Variants in ATP11C observed in about 807,000 individuals in gnomAD.
The protein encoded by ATP11C is ATPase phospholipid transporting 11C (ATP11C blood group).
ATP11C carries 36 observed loss-of-function variants against 97.4 expected under a neutral mutation model. The observed-to-expected ratio is 0.37, with a 90% confidence interval of 0.28 to 0.49. The LOEUF (loss-of-function observed/expected upper bound fraction) is 0.49. ATP11C is among the 20% of genes least tolerant of loss of function. ATP11C has a pLI of 0.98. For synonymous variants in ATP11C, 275 were observed against 290.9 expected, an observed-to-expected ratio of 0.95 and a Z score of 0.56; for missense variants, 730 against 824.6, an observed-to-expected ratio of 0.89 and a Z score of 1.40.
intron 1 of ATP11C, among the ~76,000 whole-genome samples, chrX:139,908,687 CA>C (rs2085021567): frequency 8.9e-6 from 1 of 112,319 alleles, no homozygotes; most frequent in Non-Finnish European, 1.9e-5. Flanking sequence ...CTGACAATAA[CA>C]TAAGTTTCTA....
chrX:139,910,555 G>A (rs1316202304), intron 1 of ATP11C, among the ~76,000 whole-genome samples: 4 of 107,968 alleles, frequency 3.7e-5, no homozygotes, highest in Admixed American at 1.0e-4. Context: ...GCAGTGAGCC[G>A]AGATTCTGCC....
At chrX:139,869,989 A>C (rs933404198) in intron 1 of ATP11C, among the ~76,000 whole-genome samples, 4 of 110,158 alleles carry the variant, frequency 3.6e-5, no homozygotes, top group African/African-American at 1.3e-4. Context: ...AACCTGGAAG[A>C]CATTTTGCTA....
At chrX:139,815,845 C>G (rs967588552) in intron 4 of ATP11C, among the ~76,000 whole-genome samples, 1 of 110,913 alleles carries the variant, frequency 9.0e-6, no homozygotes, top group African/African-American at 3.3e-5. Context: ...CTCTTTATGA[C>G]AATGCTAAGC....
intron 1 of ATP11C, among the ~76,000 whole-genome samples, chrX:139,873,258 G>A (rs1187898113): frequency 8.9e-6 from 1 of 112,294 alleles, no homozygotes; most frequent in Non-Finnish European, 1.9e-5. Context: ...TAGAACAGTG[G>A]TTGCCAGGGG....
intron 19 of ATP11C, among the ~76,000 whole-genome samples, chrX:139,770,096 C>T (rs1033761982): frequency 4.5e-5 from 5 of 111,956 alleles, no homozygotes; most frequent in Middle Eastern, 9.2e-3. Flanking sequence ...TAATAGCTTA[C>T]TTATGGGGCT....
chrX:139,926,232 G>T (rs1401732220), intron 1 of ATP11C, among the ~76,000 whole-genome samples: 1 of 111,546 alleles, frequency 9.0e-6, no homozygotes, highest in Non-Finnish European at 1.9e-5. Flanking sequence ...AGTCTCGAGG[G>T]TTCCAGATGT....
intron 1 of ATP11C, among the ~76,000 whole-genome samples, chrX:139,914,546 G>A (rs776863205): frequency 8.0e-5 from 9 of 112,333 alleles, no homozygotes; most frequent in African/African-American, 2.9e-4. Context: ...GTCCGCCAAG[G>A]TGTTTCTGGA....
intron 8 of ATP11C, among the ~76,000 whole-genome samples, chrX:139,799,159 G>T (rs919410884): frequency 2.7e-5 from 3 of 111,430 alleles, no homozygotes; most frequent in Non-Finnish European, 3.8e-5. Context: ...CCTTTTGGGG[G>T]ATCACTGGGG....
At chrX:139,850,772 C>T (rs1187362274) in intron 1 of ATP11C, among the ~76,000 whole-genome samples, 2 of 109,740 alleles carry the variant, frequency 1.8e-5, no homozygotes, top group African/African-American at 6.6e-5. Context: ...ATTAGCCAGG[C>T]GTAGTGGCGG....
chrX:139,852,251 A>G (rs1308450206), intron 1 of ATP11C, among the ~76,000 whole-genome samples: 1 of 109,939 alleles, frequency 9.1e-6, no homozygotes, highest in Non-Finnish European at 1.9e-5. Flanking sequence ...TGAGAATTAA[A>G]AAGAAAATTG....
chrX:139,769,476 T>C (rs985473415), intron 19 of ATP11C, among the ~76,000 whole-genome samples: 1 of 105,378 alleles, frequency 9.5e-6, no homozygotes, highest in Non-Finnish European at 1.9e-5. Context: ...TGGTTATATA[T>C]AGGTATATTT....
chrX:139,857,087 C>T (rs929898145), intron 1 of ATP11C, among the ~76,000 whole-genome samples: 8 of 111,577 alleles, frequency 7.2e-5, no homozygotes, highest in African/African-American at 2.6e-4. Flanking sequence ...AAATAATAGC[C>T]TCAATTCTTA....
intron 12 of ATP11C, among the ~76,000 whole-genome samples, chrX:139,794,062 C>G (rs1249099141): frequency 1.8e-5 from 2 of 111,706 alleles, no homozygotes; most frequent in African/African-American, 6.5e-5. Context: ...GAAGAGTAGC[C>G]CCACGGGTTT....
intron 28 of ATP11C, among the ~76,000 whole-genome samples, chrX:139,732,090 T>A (rs891106459): frequency 9.9e-5 from 11 of 110,689 alleles, no homozygotes; most frequent in African/African-American, 3.6e-4. Flanking sequence ...ATCCTTTTGG[T>A]GAACACCTCT....
chrX:139,815,057 T>TC (rs1318601052), intron 4 of ATP11C, 72 bp from the exon 5 acceptor site: 8 of 570,936 alleles, frequency 1.4e-5, no homozygotes, highest in Non-Finnish European at 2.2e-5. Context: ...TTCTATATCC[T>TC]CCCATGAGTC....
intron 1 of ATP11C, among the ~76,000 whole-genome samples, chrX:139,830,058 G>T (rs2083612539): frequency 9.0e-6 from 1 of 111,576 alleles, no homozygotes; most frequent in Non-Finnish European, 1.9e-5. Flanking sequence ...CTCAATACAA[G>T]ACTGTTACTA....
At chrX:139,768,172 G>A (rs1855781257) in intron 20 of ATP11C, 88 bp downstream of exon 20, 1 of 719,477 alleles carries the variant, frequency 1.4e-6, no homozygotes, top group African/African-American at 2.2e-5. Flanking sequence ...GCCCTTTGAA[G>A]AAGAAATAAT....
intron 5 of ATP11C, among the ~76,000 whole-genome samples, chrX:139,807,993 T>G (rs1231162900): frequency 3.7e-5 from 4 of 106,927 alleles, no homozygotes; most frequent in Non-Finnish European, 7.7e-5. Context: ...TGGTACGGTA[T>G]TTAGTGGAAA....
intron 1 of ATP11C, among the ~76,000 whole-genome samples, chrX:139,918,675 C>CAA (rs59502861): frequency 0.01 from 417 of 41,036 alleles, 5 homozygotes; most frequent in African/African-American, 0.035. Flanking sequence ...AACCCCATTT[C>CAA]AAAAAAAAAA....
Sources: allele counts gnomAD v4.1 joint callset (sites outside exome capture counted in the v4.1 genomes callset), GRCh38; gene constraint gnomAD v4.1.1; transcripts MANE v1.5; gene names NCBI Gene and HGNC (gene_info 2026-07-23, HGNC 2026-07-21).